Variants in TAFA1 observed in about 807,000 individuals in gnomAD.
The protein encoded by TAFA1 is TAFA chemokine like family member 1.
In TAFA1, 4 loss-of-function variants were observed where a neutral mutation model predicts 18.5. That is an observed-to-expected ratio of 0.22 (90% CI 0.11 to 0.49). The LOEUF (loss-of-function observed/expected upper bound fraction) is 0.49, where lower values mean the gene tolerates loss of function less well. Ranked by LOEUF, TAFA1 falls within the 20% of genes least tolerant of loss-of-function variation. The pLI is 0.98. For synonymous variants in TAFA1, 56 were observed against 55.2 expected (o/e 1.01, Z -0.06); for missense variants, 147 against 169.0 (o/e 0.87, Z 0.72).
chr3:68,289,461 C>G (rs1575750010), intron 2 of TAFA1, among the ~76,000 whole-genome samples: 1 of 130,282 alleles, frequency 7.7e-6, no homozygotes, highest in Admixed American at 7.3e-5. Flanking sequence ...TACATCTGCC[C>G]AGAAACATAT....
At chr3:68,402,739 G>C (rs1388366204) in intron 2 of TAFA1, among the ~76,000 whole-genome samples, 1 of 152,172 alleles carries the variant, frequency 6.6e-6, no homozygotes, top group Non-Finnish European at 1.5e-5. Context: ...CTCTTGGCTT[G>C]GATGAGGTAT....
At chr3:68,326,629 T>C (rs2068781778) in intron 2 of TAFA1, among the ~76,000 whole-genome samples, 1 of 152,170 alleles carries the variant, frequency 6.6e-6, no homozygotes, top group Admixed American at 6.5e-5. Flanking sequence ...ATTTGATATT[T>C]GAAAGAATAC....
intron 2 of TAFA1, among the ~76,000 whole-genome samples, chr3:68,354,571 A>G (rs1237349297): frequency 6.6e-6 from 1 of 152,054 alleles, no homozygotes; most frequent in East Asian, 1.9e-4. Flanking sequence ...GCAAGAACAA[A>G]TTTAAGGAAA....
At chr3:68,464,461 G>T (rs1226206813) in intron 3 of TAFA1, among the ~76,000 whole-genome samples, 2 of 152,092 alleles carry the variant, frequency 1.3e-5, no homozygotes, top group Admixed American at 6.6e-5. Context: ...AGTTTTGTGG[G>T]GAGCGATGAC....
intron 2 of TAFA1, among the ~76,000 whole-genome samples, chr3:68,327,744 A>T (rs1339115930): frequency 6.6e-6 from 1 of 152,176 alleles, no homozygotes; most frequent in Admixed American, 6.5e-5. Flanking sequence ...ATCAATTAAC[A>T]TGCATAAAAA....
At chr3:68,099,539 C>G (rs2065123616) in intron 2 of TAFA1, among the ~76,000 whole-genome samples, 1 of 152,046 alleles carries the variant, frequency 6.6e-6, no homozygotes, top group African/African-American at 2.4e-5. Context: ...CACTTATACA[C>G]TCTTGGTGGG....
chr3:68,375,230 G>A (rs778384152), intron 2 of TAFA1, among the ~76,000 whole-genome samples: 1 of 152,054 alleles, frequency 6.6e-6, no homozygotes, highest in Admixed American at 6.5e-5. Flanking sequence ...GCTTGCTTTT[G>A]TTAGGAGCAG....
chr3:68,007,067 T>G (rs77513988), intron 2 of TAFA1, among the ~76,000 whole-genome samples: 5,241 of 152,328 alleles, frequency 0.034, 134 homozygotes, highest in East Asian at 0.13. Flanking sequence ...TAACTTTCAA[T>G]ACTTGAGGAT....
At chr3:68,499,451 T>G (rs2072618167) in intron 3 of TAFA1, among the ~76,000 whole-genome samples, 1 of 149,012 alleles carries the variant, frequency 6.7e-6, no homozygotes, top group Non-Finnish European at 1.5e-5. Flanking sequence ...CCTTTCTTTT[T>G]TTTTTTTTTT....
chr3:68,381,880 C>T lies in TAFA1; in HGVS notation c.119-35400C>T, dbSNP rs550206336. Among the ~76,000 whole-genome samples, 18 of 152,222 alleles carry T rather than the reference C, an allele frequency of 1.2e-4. 1 individual carries two copies. In the South Asian group the frequency reaches 3.7e-3, roughly 32 times the overall value. ...CAAAGGGAATGCTTCCAGTTTTTGC[C>T]CATTCAGTATGATATTGGCTGTGGG... On this transcript the variant is annotated intron_variant, in intron 2 of 4. Coordinates refer to ENST00000478136, the MANE Select transcript of TAFA1 (RefSeq NM_213609.4).
intron 2 of TAFA1, among the ~76,000 whole-genome samples, chr3:68,126,507 G>A (rs1392581743): frequency 6.6e-6 from 1 of 152,104 alleles, no homozygotes; most frequent in African/African-American, 2.4e-5. Flanking sequence ...AGAAAAAGTT[G>A]GCAAATTTGT....
At chr3:68,324,920 G>C (rs2068753217) in intron 2 of TAFA1, among the ~76,000 whole-genome samples, 1 of 152,176 alleles carries the variant, frequency 6.6e-6, no homozygotes, top group African/African-American at 2.4e-5. Flanking sequence ...TCTATGCTCA[G>C]ACGTGGTTAG....
chr3:68,343,658 T>A (rs2069120755), intron 2 of TAFA1, among the ~76,000 whole-genome samples: 1 of 152,198 alleles, frequency 6.6e-6, no homozygotes, highest in Non-Finnish European at 1.5e-5. Flanking sequence ...TCAAGGCAGT[T>A]CAGGTTCAAA....
intron 2 of TAFA1, among the ~76,000 whole-genome samples, chr3:68,049,896 C>G (rs2064446357): frequency 6.6e-6 from 1 of 152,026 alleles, no homozygotes; most frequent in Admixed American, 6.6e-5. Flanking sequence ...TGCGTTTATC[C>G]TGCTTTGTAG....
rs77927163 is a variant in TAFA1, at chr3:68,339,331, G to T, written c.119-77949G>T. 7.0e-3 allele frequency among the ~76,000 whole-genome samples: 1,064 copies of T among 152,218 alleles called. 12 individuals are homozygous for T. Among genetic ancestry groups the T allele is most frequent in the Middle Eastern group, 0.014 (4 of 294 alleles). On this transcript the variant is annotated intron_variant, in intron 2 of 4. Transcript: ENST00000478136. ...AAAGTTATAATTTCAGAACATTTTTGCTATGTTAATCATAAAGATACAGAG... is the reference window on the plus strand; with the variant it reads ...AAAGTTATAATTTCAGAACATTTTTTCTATGTTAATCATAAAGATACAGAG...
At chr3:68,240,735 T>C (rs1167001910) in intron 2 of TAFA1, among the ~76,000 whole-genome samples, 2 of 152,142 alleles carry the variant, frequency 1.3e-5, no homozygotes, top group Non-Finnish European at 2.9e-5. Context: ...TTCCCCTCCT[T>C]CAGAGGTCAG....
At chr3:68,348,361 A>G (rs1219502265) in intron 2 of TAFA1, among the ~76,000 whole-genome samples, 1 of 152,172 alleles carries the variant, frequency 6.6e-6, no homozygotes, top group Non-Finnish European at 1.5e-5. Flanking sequence ...GGACTGCTTC[A>G]TAAATTCCAA....
intron 2 of TAFA1, among the ~76,000 whole-genome samples, chr3:68,222,049 C>T (rs950752131): frequency 4.6e-5 from 7 of 152,126 alleles, no homozygotes; most frequent in Non-Finnish European, 4.4e-5. Context: ...CTAACTTTTT[C>T]ATTTTATTAT....
intron 3 of TAFA1, among the ~76,000 whole-genome samples, chr3:68,442,363 T>C (rs2071399582): frequency 6.6e-6 from 1 of 152,112 alleles, no homozygotes; most frequent in Non-Finnish European, 1.5e-5. Flanking sequence ...TCTCTCTTCC[T>C]CTTCTTCTAA....
Sources: allele counts gnomAD v4.1 joint callset (sites outside exome capture counted in the v4.1 genomes callset), GRCh38; gene constraint gnomAD v4.1.1; transcripts MANE v1.5; gene names NCBI Gene and HGNC (gene_info 2026-07-23, HGNC 2026-07-21).